CCDC171: variants seen among roughly 807,000 people sequenced by gnomAD.
The protein encoded by CCDC171 is coiled-coil domain-containing protein 171.
A neutral mutation model predicts 168.2 loss-of-function variants in CCDC171; 177 were observed. The observed-to-expected ratio is 1.05, with a 90% CI of 0.93 to 1.19. The LOEUF is 1.19. CCDC171 is among the 50% of genes most tolerant of loss of function. CCDC171 has a pLI of 0.00. For synonymous variants in CCDC171, 687 were observed against 540.8 expected, an observed-to-expected ratio of 1.27 and a Z score of -3.75; for missense variants, 1,991 against 1,539.0, an observed-to-expected ratio of 1.29 and a Z score of -4.91.
At chr9:15,627,347 T>C (rs1046301544) in intron 7 of CCDC171, among the ~76,000 whole-genome samples, 4 of 152,210 alleles carry the variant, frequency 2.6e-5, no homozygotes, top group Non-Finnish European at 4.4e-5. Flanking sequence ...AATTTTTTCT[T>C]GCCTTCTGCT....
chr9:15,957,771 C>T (rs902268744), intron 25 of CCDC171, among the ~76,000 whole-genome samples: 9 of 152,168 alleles, frequency 5.9e-5, no homozygotes, highest in African/African-American at 2.2e-4. Context: ...CTTTAGGGAG[C>T]TAGGACTCCT....
chr9:15,866,994 G>A (rs905700169), intron 23 of CCDC171, among the ~76,000 whole-genome samples: 1 of 151,952 alleles, frequency 6.6e-6, no homozygotes, highest in African/African-American at 2.4e-5. Context: ...CACCTGCTTT[G>A]TTTATTTGAT....
chr9:15,844,771 A>G (rs551555010), intron 21 of CCDC171, among the ~76,000 whole-genome samples: 1 of 152,090 alleles, frequency 6.6e-6, no homozygotes, highest in African/African-American at 2.4e-5. Context: ...TAGAAATTCT[A>G]ATGTTATGAG....
intron 21 of CCDC171, among the ~76,000 whole-genome samples, chr9:15,791,728 C>T (rs1402924768): frequency 6.6e-6 from 1 of 152,132 alleles, no homozygotes; most frequent in Non-Finnish European, 1.5e-5. Flanking sequence ...TGGAGTGGAC[C>T]TTCAGCAAAC....
At chr9:15,911,014 G>T (rs149362322) in intron 24 of CCDC171, among the ~76,000 whole-genome samples, 90 of 152,194 alleles carry the variant, frequency 5.9e-4, no homozygotes, top group South Asian at 3.3e-3. Context: ...ATATGTGTGC[G>T]TGTGTCTTTA....
At chr9:15,941,230 GT>G (rs1196267337) in intron 25 of CCDC171, among the ~76,000 whole-genome samples, 1 of 151,890 alleles carries the variant, frequency 6.6e-6, no homozygotes, top group East Asian at 1.9e-4. Context: ...AATATTTAAA[GT>G]TTTTCACCTT....
At chr9:15,654,661 T>C (rs1037750734) in intron 7 of CCDC171, among the ~76,000 whole-genome samples, 2 of 152,012 alleles carry the variant, frequency 1.3e-5, no homozygotes, top group Non-Finnish European at 2.9e-5. Context: ...AAAACTTGGC[T>C]AAGGGGGTGG....
In CCDC171 at chr9:15,632,447, A is replaced by G. The variant is rs1250065608; in HGVS notation, c.822+9034A>G. 2.0e-5 allele frequency among the ~76,000 whole-genome samples: 3 copies of G among 152,234 alleles called. No individual in the cohort carries two copies. In the East Asian group the frequency reaches 5.8e-4, roughly 29 times the overall value. On this transcript the variant is annotated intron_variant, in intron 7 of 25. Transcript: ENST00000380701. ...TTGCTTCAAAGAGAATAAAATACCT[A>G]GGAATCCAACTTACAAGGGATGTGA...
rs370528371 is a variant in CCDC171, at chr9:15,594,087, A to T, written c.590A>T (p.His197Leu). 1.9e-6 allele frequency: 3 copies of T among 1,579,894 alleles called. No individual in the cohort carries two copies. In the African/African-American group the frequency reaches 4.1e-5, roughly 21 times the overall value. ...HQREKNEMESHIRETALEEFR... is the reference protein window; with the variant it reads ...HQREKNEMESLIRETALEEFR... ...CGGGAGAAGAATGAGATGGAGTCTC[A>T]TATCAGGGAGACAGCATTGGAGGAG... Residue 197 changes from histidine (H) to leucine (L), a missense_variant, in exon 6 of 26, where the codon CAT (histidine) becomes CTT (leucine). By Grantham distance (99) the His-to-Leu change is moderately conservative (BLOSUM62 -3). Transcript: ENST00000380701.
At chr9:16,051,491 A>G (rs1302590762) in intron 1 of CCDC171, among the ~76,000 whole-genome samples, 1 of 152,026 alleles carries the variant, frequency 6.6e-6, no homozygotes, top group Non-Finnish European at 1.5e-5. Flanking sequence ...TCTGGGTTCT[A>G]CTTGCCAGCC....
At chr9:16,025,976 C>A (rs1025258920) in intron 6 of CCDC171, among the ~76,000 whole-genome samples, 1 of 152,150 alleles carries the variant, frequency 6.6e-6, no homozygotes, top group Non-Finnish European at 1.5e-5. Context: ...TTTTAAAAAA[C>A]AAGACAGTCC....
chr9:15,745,008 A>G (rs756356856), intron 17 of CCDC171, among the ~76,000 whole-genome samples: 21 of 152,172 alleles, frequency 1.4e-4, no homozygotes, highest in Non-Finnish European at 2.6e-4. Context: ...AAATATATAT[A>G]ATTTCAACTT....
intron 21 of CCDC171, among the ~76,000 whole-genome samples, chr9:15,809,549 C>T (rs533087300): frequency 1.3e-4 from 20 of 152,220 alleles, no homozygotes; most frequent in Non-Finnish European, 1.9e-4. Flanking sequence ...GTCTCGCTGA[C>T]TTCAGGAGTG....
chr9:15,741,343 A>C (rs539917094), intron 16 of CCDC171, among the ~76,000 whole-genome samples: 1 of 152,294 alleles, frequency 6.6e-6, no homozygotes, highest in Admixed American at 6.5e-5. Flanking sequence ...CTGTGTCTAT[A>C]AATTTTCCTA....
intron 1 of CCDC171, among the ~76,000 whole-genome samples, chr9:15,556,501 T>C (rs1450615489): frequency 3.9e-5 from 6 of 152,142 alleles, no homozygotes; most frequent in East Asian, 3.8e-4. Context: ...TGATGATGAG[T>C]ATTTTTTCAT....
chr9:15,819,167 C>G (rs1406025887), intron 21 of CCDC171, among the ~76,000 whole-genome samples: 1 of 117,594 alleles, frequency 8.5e-6, no homozygotes, highest in African/African-American at 3.2e-5. Context: ...ATCACCAGGC[C>G]TGCCCTGCAA....
chr9:15,750,374 G>T (rs535929848), intron 18 of CCDC171, among the ~76,000 whole-genome samples: 3 of 152,054 alleles, frequency 2.0e-5, no homozygotes, highest in African/African-American at 7.2e-5. Context: ...ATTCACAGCC[G>T]AATTCTACCA....
At chr9:16,108,743 T>G in the CCDC171 span, among the ~76,000 whole-genome samples, 1 of 152,190 alleles carries the variant, frequency 6.6e-6, no homozygotes, top group Admixed American at 6.5e-5. Flanking sequence ...CGGCCCTGAC[T>G]GAAAATATTT....
chr9:15,635,339 T>G (rs1223540103), intron 7 of CCDC171, among the ~76,000 whole-genome samples: 1 of 152,200 alleles, frequency 6.6e-6, no homozygotes, highest in Admixed American at 6.5e-5. Context: ...AAATAGCTAT[T>G]TACACCCTTG....
Sources: allele counts gnomAD v4.1 joint callset (sites outside exome capture counted in the v4.1 genomes callset), GRCh38; gene constraint gnomAD v4.1.1; transcripts MANE v1.5; gene names NCBI Gene and HGNC (gene_info 2026-07-23, HGNC 2026-07-21).